RBFOX1: variants seen among roughly 807,000 people sequenced by gnomAD.
RBFOX1 encodes RNA binding fox-1 homolog 1, also known as RNA binding protein fox-1 homolog 1.
In RBFOX1, 8 loss-of-function variants were observed where a neutral mutation model predicts 57.7. The ratio of observed to expected loss-of-function variants is 0.14; its 90% CI spans 0.08 to 0.25. The LOEUF is 0.25. Among genes scored for constraint, RBFOX1 ranks in the 10% least tolerant of loss-of-function variants. The probability of loss-of-function intolerance (pLI) is 1.00; values close to 1 mark genes in which losing one functional copy is unlikely to be tolerated. For missense variants in RBFOX1, 611 were observed against 548.5 expected, an observed-to-expected ratio of 1.11 and a Z score of -1.14; for synonymous variants, 326 against 222.4, an observed-to-expected ratio of 1.47 and a Z score of -4.15.
rs35995716 is a variant in RBFOX1 at position 6,632,337 on chromosome 16, GA to G, written c.-63-22254del. 2.7e-3 allele frequency among the ~76,000 whole-genome samples: 371 copies of G among 137,082 alleles called. 2 individuals are homozygous for G. Among genetic ancestry groups the G allele is most frequent in the African/African-American group, 7.3e-3 (271 of 37,132 alleles). 89.9% of individuals were successfully genotyped at this position (137,082 alleles called of 152,430 possible). A position where few individuals can be genotyped will look rare whatever the true frequency, so the allele number is the denominator to read the frequency against. On this transcript the variant is annotated intron_variant, in intron 2 of 15. Coordinates refer to ENST00000550418, the MANE Select transcript of RBFOX1 (RefSeq NM_018723.4). ...TGTAATAAAGATAGCCAGGGAGAAA[GA>G]AAAAAAAAAAAGGTCTGAACTTGTT...
chr16:6,778,098 C>G (rs1048323543), intron 3 of RBFOX1, among the ~76,000 whole-genome samples: 2 of 152,082 alleles, frequency 1.3e-5, no homozygotes, highest in Admixed American at 1.3e-4. Flanking sequence ...GTGGGATGCA[C>G]TGTTGCGAAT....
At chr16:7,369,089 A>G (rs1206661981) in intron 4 of RBFOX1, among the ~76,000 whole-genome samples, 1 of 152,150 alleles carries the variant, frequency 6.6e-6, no homozygotes, top group East Asian at 1.9e-4. Flanking sequence ...AGGAATACAG[A>G]AAAGAAGGAA....
intron 3 of RBFOX1, among the ~76,000 whole-genome samples, chr16:6,981,853 C>T (rs1256641061): frequency 6.6e-6 from 1 of 152,158 alleles, no homozygotes; most frequent in African/African-American, 2.4e-5. Context: ...ATCATCCAGT[C>T]TACACTGATG....
At chr16:6,565,914 A>C (rs1474597924) in intron 2 of RBFOX1, among the ~76,000 whole-genome samples, 1 of 152,188 alleles carries the variant, frequency 6.6e-6, no homozygotes, top group Non-Finnish European at 1.5e-5. Context: ...AAAAGAACCA[A>C]TGTGCTTTGT....
Position 7,712,031 on chromosome 16 carries a change from A to C in RBFOX1, c.*1286A>C, listed in dbSNP as rs908048695. 3 of 151,946 alleles carry C rather than the reference A, an allele frequency of 2.0e-5. No individual in the cohort carries two copies. The highest frequency in any genetic ancestry group is 2.1e-4 in the South Asian group (1 of 4,820). 9.4% of individuals were successfully genotyped at this position (151,946 alleles called of 1,614,324 possible). On this transcript the variant is annotated 3_prime_UTR_variant, in exon 16 of 16. Coordinates refer to ENST00000550418, the MANE Select transcript of RBFOX1 (RefSeq NM_018723.4). ...GGACACTTGTCAGAAGGATGCAAAA[A>C]AAGAAAAAAGTACATCCACCCTCTT...
chr16:5,996,877 C>A (rs1445002869), intron 4 of RBFOX1, among the ~76,000 whole-genome samples: 1 of 152,224 alleles, frequency 6.6e-6, no homozygotes, highest in South Asian at 2.1e-4. Context: ...TGTAAAGAAA[C>A]CCATTTTTGC....
At chr16:7,067,223 C>A (rs982819490) in intron 4 of RBFOX1, among the ~76,000 whole-genome samples, 6 of 152,100 alleles carry the variant, frequency 3.9e-5, no homozygotes, top group African/African-American at 1.4e-4. Context: ...CAGAGTTCTT[C>A]CAGGCAGCCG....
rs117827083 is a variant in RBFOX1, at chr16:7,356,173, T to C, written c.28-161974T>C. 4.5e-4 allele frequency among the ~76,000 whole-genome samples: 69 copies of C among 152,264 alleles called. No homozygotes were observed. The East Asian group carries it at 0.012, about 26-fold the overall frequency. ...TCATCACGTAACTATCAGGCATTGATTCCATGCTAGGCAGAGTTCTAGGCA... is the reference window on the plus strand; with the variant it reads ...TCATCACGTAACTATCAGGCATTGACTCCATGCTAGGCAGAGTTCTAGGCA... On this transcript the variant is annotated intron_variant, in intron 4 of 15. Transcript: ENST00000550418.
chr16:6,204,150 C>T (rs778673111), intron 1 of RBFOX1, among the ~76,000 whole-genome samples: 2 of 152,130 alleles, frequency 1.3e-5, no homozygotes, highest in East Asian at 3.9e-4. Flanking sequence ...GTTGTTGATA[C>T]TCAACTTTGG....
At chr16:5,812,525 C>A (rs554916949) in intron 3 of RBFOX1, among the ~76,000 whole-genome samples, 2 of 149,284 alleles carry the variant, frequency 1.3e-5, no homozygotes, top group African/African-American at 5.0e-5. Flanking sequence ...GTGGTGCAGT[C>A]GTAGCTCACT....
intron 1 of RBFOX1, among the ~76,000 whole-genome samples, chr16:5,455,818 G>A (rs1162209621): frequency 6.6e-6 from 1 of 152,044 alleles, no homozygotes; most frequent in Non-Finnish European, 1.5e-5. Flanking sequence ...AGAGAACCCT[G>A]GTTTCGAGAA....
intron 1 of RBFOX1, among the ~76,000 whole-genome samples, chr16:6,288,031 G>A (rs568596543): frequency 2.6e-5 from 4 of 152,244 alleles, no homozygotes; most frequent in Non-Finnish European, 4.4e-5. Context: ...CATCTGTAAG[G>A]CACCTGGAAC....
chr16:6,581,464 A>G (rs145074510), intron 2 of RBFOX1, among the ~76,000 whole-genome samples: 2 of 152,176 alleles, frequency 1.3e-5, no homozygotes, highest in African/African-American at 2.4e-5. Context: ...TGTTTTGGGA[A>G]ACAAGCCTTG....
chr16:6,727,245 A>G (rs1475088076), intron 3 of RBFOX1, among the ~76,000 whole-genome samples: 1 of 152,036 alleles, frequency 6.6e-6, no homozygotes, highest in Non-Finnish European at 1.5e-5. Context: ...ATTTCTGGTG[A>G]CTTCTAAAAG....
intron 3 of RBFOX1, among the ~76,000 whole-genome samples, chr16:5,642,195 TC>T (rs1299004817): frequency 8.5e-5 from 13 of 152,320 alleles, no homozygotes; most frequent in South Asian, 4.1e-4. Context: ...TTTGATCCCT[TC>T]ACTGCCCAAG....
intron 1 of RBFOX1, among the ~76,000 whole-genome samples, chr16:6,310,532 C>A (rs1290923532): frequency 1.3e-5 from 2 of 151,872 alleles, no homozygotes; most frequent in African/African-American, 4.8e-5. Flanking sequence ...CATCAACCCT[C>A]TGAGGTGGGC....
At chr16:7,706,533 C>G (rs1430488659) in intron 14 of RBFOX1, among the ~76,000 whole-genome samples, 1 of 152,126 alleles carries the variant, frequency 6.6e-6, no homozygotes, top group Non-Finnish European at 1.5e-5. Context: ...TAGTGTCTCC[C>G]CAGAAGAGGA....
At chr16:5,526,945 T>A (rs572013561) in intron 2 of RBFOX1, among the ~76,000 whole-genome samples, 77 of 152,268 alleles carry the variant, frequency 5.1e-4, no homozygotes, top group African/African-American at 1.9e-3. Flanking sequence ...TTATGCAAAA[T>A]GGGAGTGATG....
At chr16:7,455,908 A>C (rs1192081195) in intron 4 of RBFOX1, among the ~76,000 whole-genome samples, 1 of 151,934 alleles carries the variant, frequency 6.6e-6, no homozygotes, top group Non-Finnish European at 1.5e-5. Context: ...CTCTGTTTTT[A>C]TTCTTACAGC....
Sources: allele counts gnomAD v4.1 joint callset (sites outside exome capture counted in the v4.1 genomes callset), GRCh38; gene constraint gnomAD v4.1.1; transcripts MANE v1.5; gene names NCBI Gene and HGNC (gene_info 2026-07-23, HGNC 2026-07-21).